Variants in KLHL1 observed in about 807,000 individuals in gnomAD.
The protein encoded by KLHL1 is kelch like family member 1, also known as kelch-like protein 1.
A neutral mutation model predicts 77.7 loss-of-function variants in KLHL1; 47 were observed. The ratio of observed to expected loss-of-function variants is 0.60; its 90% CI spans 0.48 to 0.77. The LOEUF (loss-of-function observed/expected upper bound fraction) is 0.77, where lower values mean the gene tolerates loss of function less well. Among genes scored for constraint, KLHL1 ranks in the 30% least tolerant of loss-of-function variants. The pLI, the probability that KLHL1 is intolerant of heterozygous loss-of-function variation, is 0.00. For missense variants in KLHL1, 925 were observed against 910.8 expected, an observed-to-expected ratio of 1.02 and a Z score of -0.20; for synonymous variants, 360 against 325.2, an observed-to-expected ratio of 1.11 and a Z score of -1.15.
chr13:69,879,159 C>T (rs893342587), intron 5 of KLHL1, among the ~76,000 whole-genome samples: 1 of 152,064 alleles, frequency 6.6e-6, no homozygotes, highest in Non-Finnish European at 1.5e-5. Context: ...ACATATGTAA[C>T]AAACCTGCAC....
intron 1 of KLHL1, among the ~76,000 whole-genome samples, chr13:70,060,300 T>C (rs577894463): frequency 2.0e-5 from 3 of 152,280 alleles, no homozygotes; most frequent in African/African-American, 7.2e-5. Context: ...AGAGGAACCA[T>C]TGTACACTCT....
chr13:69,855,351 G>GAT (rs879361518), intron 5 of KLHL1, among the ~76,000 whole-genome samples: 2,293 of 86,572 alleles, frequency 0.026, 41 homozygotes, highest in Non-Finnish European at 0.035. Context: ...TAGATAGACA[G>GAT]ACAGATAGAT....
chr13:70,019,201 G>A (rs552957032), intron 1 of KLHL1, among the ~76,000 whole-genome samples: 1 of 152,310 alleles, frequency 6.6e-6, no homozygotes, highest in East Asian at 1.9e-4. Flanking sequence ...TCTGTGTTAT[G>A]AGGCAGCAGA....
intron 1 of KLHL1, among the ~76,000 whole-genome samples, chr13:70,011,262 A>C (rs1307792746): frequency 3.3e-5 from 5 of 152,222 alleles, no homozygotes; most frequent in Admixed American, 6.5e-5. Context: ...ACTACATTAA[A>C]TGCTTTGGAA....
At chr13:69,958,973 CA>C (rs1362219872) in intron 3 of KLHL1, among the ~76,000 whole-genome samples, 2 of 151,966 alleles carry the variant, frequency 1.3e-5, no homozygotes, top group Admixed American at 6.6e-5. Context: ...TTGTATATGA[CA>C]AAAAGCAAGA....
At chr13:69,795,964 T>C (rs960763337) in intron 7 of KLHL1, among the ~76,000 whole-genome samples, 5 of 152,188 alleles carry the variant, frequency 3.3e-5, no homozygotes, top group African/African-American at 1.2e-4. Context: ...AGAAACTACC[T>C]TAAGTTTCAC....
chr13:69,700,600 A>G lies in KLHL1; in HGVS notation c.*1102T>C, dbSNP rs1469242982. On this transcript the variant is annotated 3_prime_UTR_variant, in exon 11 of 11. Transcript: ENST00000377844. Reference sequence around the variant, plus strand: ...TTATTAAAAATACACTGATAAATGCAAATTTTTTGATCATTTATTAATTGT... The same window carrying G: ...TTATTAAAAATACACTGATAAATGCGAATTTTTTGATCATTTATTAATTGT... The G allele has an allele frequency of 2.0e-5, 3 of 152,430 alleles. 1 individual carries two copies. In the East Asian group the frequency reaches 5.8e-4, roughly 29 times the overall value. 9.4% of individuals were successfully genotyped at this position (152,430 alleles called of 1,614,324 possible).
At position 69,874,235 on chromosome 13, in the gene KLHL1, C is replaced by T. The variant is rs560424607; in HGVS notation, c.1227+8048G>A. Among the ~76,000 whole-genome samples the T allele has an allele frequency of 2.6e-5, 4 of 152,234 alleles. 1 individual carries two copies. The highest frequency in any genetic ancestry group is 4.2e-4 in the South Asian group (2 of 4,816). ...ACTACAATCCTCTCCCCTTTAAATG[C>T]CATTGCTTCTAGTCTCCAGAATCAG... On this transcript the variant is annotated intron_variant, in intron 5 of 10. Transcript: ENST00000377844.
chr13:69,904,396 T>A (rs894203440), intron 4 of KLHL1, among the ~76,000 whole-genome samples: 1 of 152,164 alleles, frequency 6.6e-6, no homozygotes, highest in Admixed American at 6.5e-5. Flanking sequence ...CCCTCCTCAA[T>A]ATCTTTATAA....
At chr13:69,780,848 T>C (rs1054308722) in intron 7 of KLHL1, among the ~76,000 whole-genome samples, 2 of 150,482 alleles carry the variant, frequency 1.3e-5, no homozygotes, top group Non-Finnish European at 1.5e-5. Flanking sequence ...TATTTTAACA[T>C]CACATTTCCC....
At chr13:69,993,440 G>T (rs1031490629) in intron 1 of KLHL1, among the ~76,000 whole-genome samples, 3 of 152,050 alleles carry the variant, frequency 2.0e-5, no homozygotes, top group African/African-American at 7.2e-5. Context: ...CAATCTCCAG[G>T]CTGGTCACTC....
At chr13:69,950,479 A>G (rs1883671767) in intron 3 of KLHL1, among the ~76,000 whole-genome samples, 1 of 151,618 alleles carries the variant, frequency 6.6e-6, no homozygotes, top group Non-Finnish European at 1.5e-5. Context: ...AATCAACTCC[A>G]TAGATTTTTT....
intron 7 of KLHL1, among the ~76,000 whole-genome samples, chr13:69,773,933 C>G: frequency 6.6e-6 from 1 of 150,866 alleles, no homozygotes; most frequent in East Asian, 1.9e-4. Context: ...AATAAAATAT[C>G]AAGTTGAGCT....
At chr13:70,076,435 GA>G (rs1183786123) in intron 1 of KLHL1, among the ~76,000 whole-genome samples, 25 of 133,128 alleles carry the variant, frequency 1.9e-4, no homozygotes, top group South Asian at 7.0e-4. Context: ...GCCATATGCA[GA>G]AAAAAAAAAT....
intron 1 of KLHL1, among the ~76,000 whole-genome samples, chr13:69,978,809 G>C (rs2137296237): frequency 6.6e-6 from 1 of 152,152 alleles, no homozygotes; most frequent in Non-Finnish European, 1.5e-5. Context: ...TTTAATACCT[G>C]ATAAAGATTT....
intron 7 of KLHL1, among the ~76,000 whole-genome samples, chr13:69,790,363 T>C (rs1276425373): frequency 6.6e-6 from 1 of 152,200 alleles, no homozygotes; most frequent in African/African-American, 2.4e-5. Flanking sequence ...TTTATCTCCT[T>C]CTCTGTAATG....
At chr13:69,899,498 G>A (rs1359654952) in intron 4 of KLHL1, among the ~76,000 whole-genome samples, 2 of 152,186 alleles carry the variant, frequency 1.3e-5, no homozygotes, top group South Asian at 4.1e-4. Flanking sequence ...TGTGAAAAAG[G>A]AGAGAACTCA....
At chr13:69,874,256 A>G (rs1018093018) in intron 5 of KLHL1, among the ~76,000 whole-genome samples, 10 of 152,046 alleles carry the variant, frequency 6.6e-5, no homozygotes, top group Admixed American at 6.5e-5. Flanking sequence ...AGTCTCCAGA[A>G]TCAGTTGGTA....
chr13:69,835,921 T>C (rs868232641), intron 6 of KLHL1, among the ~76,000 whole-genome samples: 1 of 152,092 alleles, frequency 6.6e-6, no homozygotes, highest in Middle Eastern at 3.4e-3. Flanking sequence ...AAATTACAAA[T>C]ACACAGGGGC....
Sources: gnomAD v4.1 joint callset for allele counts (sites outside exome capture counted in the v4.1 genomes callset) on GRCh38, gnomAD v4.1.1 for gene constraint, MANE v1.5 for transcripts, NCBI Gene and HGNC (gene_info 2026-07-23, HGNC 2026-07-21) for gene names.